GRIN2A: variants seen among roughly 807,000 people sequenced by gnomAD.
GRIN2A encodes glutamate receptor ionotropic, NMDA 2A.
GRIN2A carries 22 observed loss-of-function variants against 113.4 expected under a neutral mutation model. That is an observed-to-expected ratio of 0.19 (90% CI 0.14 to 0.28). The LOEUF is 0.28. Ranked by LOEUF, GRIN2A falls within the 10% of genes least tolerant of loss-of-function variation. GRIN2A has a pLI of 1.00. For synonymous variants in GRIN2A, 827 were observed against 738.4 expected, an observed-to-expected ratio of 1.12 and a Z score of -1.94; for missense variants, 1,502 against 1,887.0, an observed-to-expected ratio of 0.80 and a Z score of 3.78.
At chr16:10,162,764 C>T (rs561037157) in intron 2 of GRIN2A, among the ~76,000 whole-genome samples, 8 of 152,296 alleles carry the variant, frequency 5.3e-5, no homozygotes, top group African/African-American at 1.9e-4. Flanking sequence ...AGATACAATT[C>T]AGTGCATTCT....
intron 10 of GRIN2A, among the ~76,000 whole-genome samples, chr16:9,801,988 C>A (rs901816837): frequency 6.6e-6 from 1 of 152,152 alleles, no homozygotes; most frequent in Non-Finnish European, 1.5e-5. Flanking sequence ...ATACACAGTC[C>A]CCTCCCAGAG....
At chr16:10,063,676 A>G (rs937529013) in intron 2 of GRIN2A, among the ~76,000 whole-genome samples, 2 of 152,232 alleles carry the variant, frequency 1.3e-5, no homozygotes, top group Non-Finnish European at 2.9e-5. Context: ...TCTAAATTAC[A>G]TGTTACAGGT....
intron 10 of GRIN2A, among the ~76,000 whole-genome samples, chr16:9,815,626 A>G (rs1362403969): frequency 6.6e-6 from 1 of 152,168 alleles, no homozygotes; most frequent in Non-Finnish European, 1.5e-5. Flanking sequence ...ACAGAAAACA[A>G]CAAGTATTGG....
At chr16:10,022,305 GCA>G (rs988664107) in intron 2 of GRIN2A, among the ~76,000 whole-genome samples, 2 of 151,300 alleles carry the variant, frequency 1.3e-5, no homozygotes, top group African/African-American at 4.9e-5. Context: ...ATATGTGCAT[GCA>G]CATATTCACA....
intron 2 of GRIN2A, among the ~76,000 whole-genome samples, chr16:10,093,413 C>G (rs1366543259): frequency 1.3e-5 from 2 of 152,146 alleles, no homozygotes; most frequent in Non-Finnish European, 2.9e-5. Context: ...TAGGTTCAGC[C>G]CTGACTTGTA....
intron 3 of GRIN2A, among the ~76,000 whole-genome samples, chr16:9,896,069 A>G (rs1247642941): frequency 2.0e-5 from 3 of 150,312 alleles, no homozygotes; most frequent in African/African-American, 7.4e-5. Flanking sequence ...TTTTTTTTGG[A>G]AACAGGGTCT....
At chr16:9,917,969 A>T (rs1442413580) in intron 3 of GRIN2A, among the ~76,000 whole-genome samples, 2 of 152,168 alleles carry the variant, frequency 1.3e-5, no homozygotes, top group Non-Finnish European at 2.9e-5. Flanking sequence ...TCTAGGTGGC[A>T]TTTTTTGTTC....
At chr16:10,048,523 A>G (rs947764313) in intron 2 of GRIN2A, among the ~76,000 whole-genome samples, 1 of 152,206 alleles carries the variant, frequency 6.6e-6, no homozygotes, top group African/African-American at 2.4e-5. Flanking sequence ...TTGCCTGCAA[A>G]CTGCTTGGAT....
At chr16:10,130,939 T>G (rs75870786) in intron 2 of GRIN2A, among the ~76,000 whole-genome samples, 2,570 of 152,276 alleles carry the variant, frequency 0.017, 73 homozygotes, top group African/African-American at 0.059. Context: ...GTGTGGGGAC[T>G]GAGGACTAAG....
At chr16:10,156,637 G>A (rs2049701907) in intron 2 of GRIN2A, among the ~76,000 whole-genome samples, 1 of 152,192 alleles carries the variant, frequency 6.6e-6, no homozygotes, top group Non-Finnish European at 1.5e-5. Flanking sequence ...AAGACTGAGT[G>A]CATAGGAGGC....
At chr16:10,153,366 G>C (rs1363179943) in intron 2 of GRIN2A, among the ~76,000 whole-genome samples, 3 of 152,176 alleles carry the variant, frequency 2.0e-5, no homozygotes, top group Non-Finnish European at 4.4e-5. Flanking sequence ...TTGCCAGGCA[G>C]TATCTAGGTG....
At position 9,763,209 on chromosome 16, in the gene GRIN2A, T is replaced by A; in HGVS notation, c.4335A>T (p.Leu1445Phe). ...ACACGCGTCTATTGCTGCAGGAATTTAAAACCCTGGGGGTAGAGTACATAT... is the reference window on the plus strand; with the variant it reads ...ACACGCGTCTATTGCTGCAGGAATTAAAAACCCTGGGGGTAGAGTACATAT... ...KNNMYSTPRV[L>F]NSCSNRRVYK... Residue 1445 changes from leucine to phenylalanine, a missense_variant, in exon 13 of 13, where the codon TTA becomes TTT. This residue lies in a region of GRIN2A where 832 missense variants were observed against 789.7 expected (regional missense o/e 1.05). Transcript: ENST00000330684. The A allele has an allele frequency of 1.2e-6, 2 of 1,614,052 alleles. No homozygotes were observed. The highest frequency in any genetic ancestry group is 1.7e-6 in the Non-Finnish European group (2 of 1,179,900).
chr16:9,866,513 T>C (rs978916600), intron 4 of GRIN2A, among the ~76,000 whole-genome samples: 2 of 152,154 alleles, frequency 1.3e-5, no homozygotes, highest in Admixed American at 1.3e-4. Flanking sequence ...CCTTGGATAT[T>C]GGGCTACAAT....
chr16:9,885,033 G>T (rs944351004), intron 4 of GRIN2A, among the ~76,000 whole-genome samples: 1 of 151,942 alleles, frequency 6.6e-6, no homozygotes, highest in African/African-American at 2.4e-5. Flanking sequence ...CACCGTGCCC[G>T]GCTAGAGAAT....
At chr16:9,934,131 T>C (rs1202501174) in intron 3 of GRIN2A, among the ~76,000 whole-genome samples, 1 of 152,228 alleles carries the variant, frequency 6.6e-6, no homozygotes, top group African/African-American at 2.4e-5. Context: ...AACATTAACC[T>C]TTGGCAGGTT....
At chr16:10,071,218 T>C (rs2047744052) in intron 2 of GRIN2A, among the ~76,000 whole-genome samples, 1 of 152,180 alleles carries the variant, frequency 6.6e-6, no homozygotes, top group South Asian at 2.1e-4. Context: ...TTTATAAAGG[T>C]AGAATCATGC....
intron 3 of GRIN2A, among the ~76,000 whole-genome samples, chr16:9,921,033 C>T (rs1389598287): frequency 6.6e-6 from 1 of 152,132 alleles, no homozygotes; most frequent in Non-Finnish European, 1.5e-5. Context: ...GGACTCATTC[C>T]AGAACTAATT....
intron 2 of GRIN2A, among the ~76,000 whole-genome samples, chr16:10,123,455 G>A (rs2048870700): frequency 1.3e-5 from 2 of 152,126 alleles, no homozygotes; most frequent in African/African-American, 4.8e-5. Flanking sequence ...CCTCGTTGAT[G>A]CCATAGTTTG....
At chr16:10,126,911 C>A (rs996237001) in intron 2 of GRIN2A, among the ~76,000 whole-genome samples, 4 of 152,166 alleles carry the variant, frequency 2.6e-5, no homozygotes, top group African/African-American at 7.2e-5. Flanking sequence ...GCTCTGAGGA[C>A]CTTCTGAGTC....
Sources: allele counts gnomAD v4.1 joint callset (sites outside exome capture counted in the v4.1 genomes callset), GRCh38; gene constraint gnomAD v4.1.1; regional missense constraint gnomAD v4.1.1; transcripts MANE v1.5; gene names NCBI Gene and HGNC (gene_info 2026-07-23, HGNC 2026-07-21).